PGGT1B: variants seen among roughly 807,000 people sequenced by gnomAD.
The protein encoded by PGGT1B is geranylgeranyl transferase type-1 subunit beta.
PGGT1B carries 30 observed loss-of-function variants against 46.1 expected under a neutral mutation model. That is an observed-to-expected ratio of 0.65 (90% CI 0.49 to 0.88). The LOEUF (loss-of-function observed/expected upper bound fraction) is 0.88. Among genes scored for constraint, PGGT1B ranks in the 40% least tolerant of loss-of-function variants. The probability of loss-of-function intolerance (pLI) is 0.00; values close to 1 mark genes in which losing one functional copy is unlikely to be tolerated. For missense variants in PGGT1B, 376 were observed against 455.9 expected, an observed-to-expected ratio of 0.82 and a Z score of 1.60; for synonymous variants, 170 against 160.0, an observed-to-expected ratio of 1.06 and a Z score of -0.47.
chr5:115,225,423 T>G (rs1756741166), intron 6 of PGGT1B, among the ~76,000 whole-genome samples: 1 of 152,212 alleles, frequency 6.6e-6, no homozygotes, highest in Non-Finnish European at 1.5e-5. Context: ...TCTACTTATA[T>G]TTTAACAGTG....
At chr5:115,225,649 ATTTT>A (rs60269384) in intron 6 of PGGT1B, among the ~76,000 whole-genome samples, 1 of 144,434 alleles carries the variant, frequency 6.9e-6, no homozygotes, top group African/African-American at 2.5e-5. Context: ...GGTAAAGTAA[ATTTT>A]TTTTTTTTTT....
chr5:115,249,369 T>C (rs1747987917), intron 2 of PGGT1B, among the ~76,000 whole-genome samples: 1 of 152,206 alleles, frequency 6.6e-6, no homozygotes, highest in Non-Finnish European at 1.5e-5. Context: ...CCCTTACAGA[T>C]GGAGCAATGG....
intron 2 of PGGT1B, among the ~76,000 whole-genome samples, chr5:115,251,527 G>C (rs1232846228): frequency 6.6e-6 from 1 of 151,972 alleles, no homozygotes; most frequent in African/African-American, 2.4e-5. Flanking sequence ...TTAATAGTGG[G>C]GGGAAATAGA....
At chr5:115,218,491 C>CAAAAAAA (rs11345719) in intron 7 of PGGT1B, among the ~76,000 whole-genome samples, 2 of 112,830 alleles carry the variant, frequency 1.8e-5, no homozygotes, top group Non-Finnish European at 1.8e-5. Flanking sequence ...CAATGATTCT[C>CAAAAAAA]AAAAAAAAAA....
intron 5 of PGGT1B, among the ~76,000 whole-genome samples, chr5:115,235,459 G>C (rs749188562): frequency 6.6e-6 from 1 of 151,888 alleles, no homozygotes; most frequent in Non-Finnish European, 1.5e-5. Context: ...CAAGATATTC[G>C]GTAATTACAA....
At chr5:115,245,885 T>C (rs981118627) in intron 2 of PGGT1B, among the ~76,000 whole-genome samples, 3 of 152,212 alleles carry the variant, frequency 2.0e-5, no homozygotes, top group South Asian at 2.1e-4. Flanking sequence ...CTAAAGTTTA[T>C]ACTTTATTCT....
Position 115,212,590 on chromosome 5 carries a change from A to T in PGGT1B, c.953-7T>A, listed in dbSNP as rs140398452. ...AAGTATGCATGCAAAGCATCTGAAA[A>T]GAAGGCATTTAAAACATCATAATAG... On this transcript the variant is annotated splice_region_variant and splice_polypyrimidine_tract_variant and intron_variant, in intron 8 of 8. Transcript: ENST00000419445. 6.3e-7 allele frequency: 1 copy of T among 1,589,988 alleles called. No homozygotes were observed. Among genetic ancestry groups the T allele is most frequent in the East Asian group, 2.2e-5 (1 of 44,578 alleles).
chr5:115,216,745 T>C, intron 8 of PGGT1B, 120 bp downstream of exon 8: 2 of 672,364 alleles, frequency 3.0e-6, no homozygotes, highest in Admixed American at 5.8e-5. Context: ...TTTTAAAAAA[T>C]ATTATTTAAT....
At chr5:115,245,316 C>G (rs764970080) in intron 2 of PGGT1B, among the ~76,000 whole-genome samples, 1 of 152,166 alleles carries the variant, frequency 6.6e-6, no homozygotes, top group Non-Finnish European at 1.5e-5. Flanking sequence ...TGTTTGTTCA[C>G]TTCTGTTTTT....
chr5:115,259,751 G>T (rs1367745318), intron 1 of PGGT1B, among the ~76,000 whole-genome samples: 1 of 151,486 alleles, frequency 6.6e-6, no homozygotes, highest in African/African-American at 2.4e-5. Context: ...TTGCAGAATG[G>T]GAGGCAGGAG....
At chr5:115,256,458 T>C (rs1213981612) in intron 1 of PGGT1B, among the ~76,000 whole-genome samples, 2 of 152,162 alleles carry the variant, frequency 1.3e-5, no homozygotes, top group Non-Finnish European at 2.9e-5. Context: ...ACTTAATTAT[T>C]AAGGGCTCCT....
At chr5:115,262,090 T>C (rs565379907) in intron 1 of PGGT1B, among the ~76,000 whole-genome samples, 6 of 152,328 alleles carry the variant, frequency 3.9e-5, no homozygotes, top group South Asian at 2.1e-4. Flanking sequence ...GGAGCAAAGA[T>C]TGCCTTCTCC....
rs774550867 is a variant in PGGT1B, at chr5:115,236,413, T to C, written c.589A>G (p.Ile197Val). 9 of 1,594,876 alleles carry C rather than the reference T, an allele frequency of 5.6e-6. No individual in the cohort carries two copies. The highest frequency in any genetic ancestry group is 7.7e-6 in the Non-Finnish European group (9 of 1,173,350). ...NWSGMDMKKA[I>V]TYIRRSMSYD... is the part of the protein sequence containing the mutation. ...ACCATACTCCTTCTAATATAGGTGA[T>C]GGCTTTTTTCATATCCATGCCTGAC... Residue 197 changes from isoleucine (I) to valine (V), a missense_variant, in exon 5 of 9, where the codon ATC (isoleucine) becomes GTC (valine). Around this residue, in one of 2 missense-constraint regions of PGGT1B, gnomAD observed 222 missense variants for 313.6 expected, o/e 0.71. Transcript: ENST00000419445.
At chr5:115,259,710 A>AAT (rs1190630566) in intron 1 of PGGT1B, among the ~76,000 whole-genome samples, 1 of 149,798 alleles carries the variant, frequency 6.7e-6, no homozygotes, top group African/African-American at 2.5e-5. Context: ...AAAAAAAAAA[A>AAT]GATAAGGGAG....
At position 115,242,913 on chromosome 5, in the gene PGGT1B, G is replaced by A. The variant is rs149900856; in HGVS notation, c.260-1307C>T. On this transcript the variant is annotated intron_variant, in intron 2 of 8. Transcript: ENST00000419445. Reference sequence around the variant, plus strand: ...ACCCGGGAGGTGGAGGTTGCAATGAGCCAAAATCGTGCCACTGCACTCCAG... The same window carrying A: ...ACCCGGGAGGTGGAGGTTGCAATGAACCAAAATCGTGCCACTGCACTCCAG... Among the ~76,000 whole-genome samples the A allele has an allele frequency of 2.2e-3, 340 of 152,052 alleles. 2 individuals are homozygous for A. Among genetic ancestry groups the A allele is most frequent in the African/African-American group, 7.2e-3 (299 of 41,424 alleles).
At chr5:115,219,687 T>A (rs909130235) in intron 7 of PGGT1B, among the ~76,000 whole-genome samples, 8 of 151,720 alleles carry the variant, frequency 5.3e-5, no homozygotes, top group Non-Finnish European at 1.2e-4. Context: ...TATTTGCAAA[T>A]CATATATCTG....
chr5:115,254,432 T>G (rs1283600791), intron 1 of PGGT1B, among the ~76,000 whole-genome samples: 1 of 152,086 alleles, frequency 6.6e-6, no homozygotes, highest in African/African-American at 2.4e-5. Flanking sequence ...TTTAACAATT[T>G]TGTGCATGAA....
rs971990004 is a variant in PGGT1B at position 115,211,534 on chromosome 5, C to T, written c.*868G>A. The T allele has an allele frequency of 2.3e-5, 3 of 131,122 alleles. No homozygotes were observed. Among genetic ancestry groups the T allele is most frequent in the African/African-American group, 8.6e-5 (3 of 34,906 alleles). The allele number at this position is 131,122 out of a possible 1,614,324, so 8.1% of individuals were successfully genotyped here. A position where few individuals can be genotyped will look rare whatever the true frequency, so the allele number is the denominator to read the frequency against. ...GCAATAAATTAAAAACTTCAAATGG[C>T]TAAAAATGAAAACACAAAGTATCTT... On this transcript the variant is annotated 3_prime_UTR_variant, in exon 9 of 9. Transcript: ENST00000419445.
chr5:115,241,464 T>C, intron 3 of PGGT1B, 75 bp downstream of exon 3: 1 of 846,720 alleles, frequency 1.2e-6, no homozygotes, highest in Non-Finnish European at 1.8e-6. Context: ...TTTTTCTGTG[T>C]AACTTCTTAG....
Sources: gnomAD v4.1 joint callset for allele counts (sites outside exome capture counted in the v4.1 genomes callset) on GRCh38, gnomAD v4.1.1 for gene constraint, gnomAD v4.1.1 regional missense constraint, MANE v1.5 for transcripts, NCBI Gene and HGNC (gene_info 2026-07-23, HGNC 2026-07-21) for gene names.